Variants in NELL2 observed in about 807,000 individuals in gnomAD.
The protein encoded by NELL2 is protein kinase C-binding protein NELL2.
A neutral mutation model predicts 109.6 loss-of-function variants in NELL2; 41 were observed. That is an observed-to-expected ratio of 0.37 (90% CI 0.29 to 0.49). NELL2 has a LOEUF of 0.49. NELL2 is among the 20% of genes least tolerant of loss of function. The probability of loss-of-function intolerance (pLI) is 0.98; values close to 1 mark genes in which losing one functional copy is unlikely to be tolerated. For synonymous variants in NELL2, 355 were observed against 344.7 expected, an observed-to-expected ratio of 1.03 and a Z score of -0.33; for missense variants, 900 against 1,008.3, an observed-to-expected ratio of 0.89 and a Z score of 1.45.
intron 12 of NELL2, among the ~76,000 whole-genome samples, chr12:44,687,225 G>A (rs1322322043): frequency 1.3e-5 from 2 of 151,878 alleles, no homozygotes; most frequent in African/African-American, 4.8e-5. Flanking sequence ...CTGACCCCTT[G>A]CGCTTCCCGA....
intron 13 of NELL2, among the ~76,000 whole-genome samples, chr12:44,652,156 C>G (rs912682060): frequency 2.0e-5 from 3 of 152,148 alleles, no homozygotes; most frequent in African/African-American, 7.2e-5. Flanking sequence ...AGGTCATTCT[C>G]AACAATCCTG....
intron 15 of NELL2, among the ~76,000 whole-genome samples, chr12:44,604,612 T>C (rs1945329668): frequency 6.6e-6 from 1 of 152,124 alleles, no homozygotes; most frequent in Admixed American, 6.6e-5. Context: ...GCAAATAAGA[T>C]ACATCCTGTA....
chr12:44,892,267 G>A (rs1945542744), intron 1 of NELL2, among the ~76,000 whole-genome samples: 2 of 152,170 alleles, frequency 1.3e-5, no homozygotes, highest in African/African-American at 2.4e-5. Context: ...GTGACAGACA[G>A]CATCCCAGGC....
intron 15 of NELL2, among the ~76,000 whole-genome samples, chr12:44,549,925 G>A (rs558603845): frequency 4.5e-4 from 68 of 152,058 alleles, no homozygotes; most frequent in African/African-American, 1.5e-3. Context: ...CAAAAGACCC[G>A]GGATAGCCAA....
chr12:44,694,826 C>G (rs1015623431), intron 12 of NELL2, among the ~76,000 whole-genome samples: 2 of 151,568 alleles, frequency 1.3e-5, no homozygotes, highest in African/African-American at 2.4e-5. Flanking sequence ...CATTCTGTAG[C>G]TTTCCCTTCA....
In NELL2 at chr12:44,876,200, C is replaced by T; in HGVS notation, c.-331G>A. On this transcript the variant is annotated 5_prime_UTR_variant, in exon 1 of 20. Transcript: ENST00000429094. The stretch of plus-strand genomic sequence containing the variant: ...TAGCTCCCGAGCCGAATAAAAGCAG[C>T]CAAAGACTCGCACACCCGGTAGAAG... The T allele has an allele frequency of 8.2e-7, 1 of 1,212,466 alleles. No individual in the cohort carries two copies. The highest frequency in any genetic ancestry group is 1.0e-6 in the Non-Finnish European group (1 of 970,182). 75.1% of individuals were successfully genotyped at this position (1,212,466 alleles called of 1,614,324 possible). A position where few individuals can be genotyped will look rare whatever the true frequency, so the allele number is the denominator to read the frequency against.
intron 13 of NELL2, among the ~76,000 whole-genome samples, chr12:44,662,150 A>G (rs1461664616): frequency 6.6e-6 from 1 of 152,178 alleles, no homozygotes; most frequent in Non-Finnish European, 1.5e-5. Context: ...TCATTTCCAC[A>G]ACTTTGGAAT....
intron 19 of NELL2, 91 bp downstream of exon 19, chr12:44,519,914 C>T (rs962309614): frequency 2.0e-6 from 2 of 1,009,784 alleles, no homozygotes; most frequent in African/African-American, 3.5e-5. Context: ...AAAAAAAAAA[C>T]CTTCCTATTG....
intron 1 of NELL2, among the ~76,000 whole-genome samples, chr12:44,903,731 C>T (rs548141393): frequency 6.6e-6 from 1 of 152,198 alleles, no homozygotes; most frequent in Non-Finnish European, 1.5e-5. Context: ...AGTTCATGTC[C>T]TTTGCAGGGA....
chr12:44,598,432 A>G lies in NELL2; in HGVS notation c.1663+8737T>C, dbSNP rs147422361. Among the ~76,000 whole-genome samples, 106 of 152,170 alleles carry G rather than the reference A, an allele frequency of 7.0e-4. 1 individual carries two copies. Among genetic ancestry groups the G allele is most frequent in the Admixed American group, 3.7e-3 (56 of 15,288 alleles). ...TAGTAAACCTCATAAACTTCATATCATTATTGTTTTTTCCTATGTTCCTCC... is the reference window on the plus strand; with the variant it reads ...TAGTAAACCTCATAAACTTCATATCGTTATTGTTTTTTCCTATGTTCCTCC... On this transcript the variant is annotated intron_variant, in intron 15 of 19. Transcript: ENST00000429094.
chr12:44,627,449 A>G (rs932154020), intron 13 of NELL2, among the ~76,000 whole-genome samples: 5 of 151,658 alleles, frequency 3.3e-5, no homozygotes, highest in African/African-American at 1.2e-4. Flanking sequence ...AAAAATCAGA[A>G]CTGAATAAAT....
At chr12:44,898,735 C>A (rs1945624053) in intron 1 of NELL2, among the ~76,000 whole-genome samples, 1 of 152,038 alleles carries the variant, frequency 6.6e-6, no homozygotes, top group Non-Finnish European at 1.5e-5. Flanking sequence ...AGCAAGGGAA[C>A]AAAACTGAAT....
chr12:44,597,032 A>G (rs1322813134), intron 15 of NELL2, among the ~76,000 whole-genome samples: 4 of 152,184 alleles, frequency 2.6e-5, no homozygotes, highest in Non-Finnish European at 5.9e-5. Context: ...GGAAATCTTA[A>G]GTGTCCTTAG....
At chr12:44,826,917 TA>T (rs943164026) in intron 2 of NELL2, among the ~76,000 whole-genome samples, 1 of 152,142 alleles carries the variant, frequency 6.6e-6, no homozygotes, top group Non-Finnish European at 1.5e-5. Flanking sequence ...ATTCTGAAGA[TA>T]AATAAATAAA....
rs535174091 is a variant in NELL2, at chr12:44,685,116, T to C, written c.1318+18610A>G. Among the ~76,000 whole-genome samples, 35 of 152,340 alleles carry C rather than the reference T, an allele frequency of 2.3e-4. No homozygotes were observed. In the East Asian group the frequency reaches 5.0e-3, roughly 22 times the overall value. On this transcript the variant is annotated intron_variant, in intron 12 of 19. Coordinates refer to ENST00000429094, the MANE Select transcript of NELL2 (RefSeq NM_001145108.2). Reference sequence around the variant, plus strand: ...TCTGGGTGCTCCTGTATTGGATGCATATATATTTAGGATAGTTAGTTCTTC... The same window carrying C: ...TCTGGGTGCTCCTGTATTGGATGCACATATATTTAGGATAGTTAGTTCTTC...
At chr12:44,652,015 A>G (rs1455337591) in intron 13 of NELL2, among the ~76,000 whole-genome samples, 1 of 152,174 alleles carries the variant, frequency 6.6e-6, no homozygotes, top group Non-Finnish European at 1.5e-5. Flanking sequence ...AATATTTTGA[A>G]TTTTTAAGTG....
At chr12:44,588,814 C>T (rs938031355) in intron 15 of NELL2, among the ~76,000 whole-genome samples, 2 of 152,172 alleles carry the variant, frequency 1.3e-5, no homozygotes. Context: ...CAAAATATTT[C>T]ATCACCCTAA....
rs576169071 is a variant in NELL2, at chr12:44,680,451, T to A, written c.1319-14842A>T. Among the ~76,000 whole-genome samples the A allele has an allele frequency of 5.9e-5, 9 of 152,326 alleles. No individual in the cohort carries two copies. The South Asian group carries it at 1.7e-3, about 28-fold the overall frequency. On this transcript the variant is annotated intron_variant, in intron 12 of 19. Coordinates refer to ENST00000429094, the MANE Select transcript of NELL2 (RefSeq NM_001145108.2). Reference sequence around the variant, plus strand: ...TCTATTTGGGAATACATTCTTCATATTAAAGAAAAATTACTTGGAGGAAAT... The same window carrying A: ...TCTATTTGGGAATACATTCTTCATAATAAAGAAAAATTACTTGGAGGAAAT...
chr12:44,519,820 C>T (rs1269675740), intron 19 of NELL2, among the ~76,000 whole-genome samples, 185 bp downstream of exon 19: 4 of 151,418 alleles, frequency 2.6e-5, no homozygotes, highest in East Asian at 1.9e-4. Context: ...CTTGAATATA[C>T]ATCAGATGGA....
Sources: gnomAD v4.1 joint callset for allele counts (sites outside exome capture counted in the v4.1 genomes callset) on GRCh38, gnomAD v4.1.1 for gene constraint, MANE v1.5 for transcripts, NCBI Gene and HGNC (gene_info 2026-07-23, HGNC 2026-07-21) for gene names.